ANXA10: variants seen among roughly 807,000 people sequenced by gnomAD.
ANXA10 encodes annexin A10, also known as annexin 14.
ANXA10 carries 49 observed loss-of-function variants against 53.5 expected under a neutral mutation model. That is an observed-to-expected ratio of 0.92 (90% CI 0.73 to 1.16). ANXA10 has a LOEUF of 1.16. ANXA10 is among the 50% of genes most tolerant of loss of function. ANXA10 has a pLI of 0.00. For missense variants in ANXA10, 393 were observed against 394.4 expected (o/e 1.00, Z 0.03); for synonymous variants, 131 against 128.9 (o/e 1.02, Z -0.11).
intron 3 of ANXA10, among the ~76,000 whole-genome samples, chr4:168,159,574 A>G (rs1479875616): frequency 1.3e-5 from 2 of 152,200 alleles, no homozygotes; most frequent in African/African-American, 2.4e-5. Context: ...TAACATTGGG[A>G]AATCTAAATT....
chr4:168,144,594 G>A (rs1397545052), intron 3 of ANXA10, among the ~76,000 whole-genome samples: 1 of 152,128 alleles, frequency 6.6e-6, no homozygotes, highest in South Asian at 2.1e-4. Context: ...ATATGGAATG[G>A]TCAGGTGCAA....
intron 1 of ANXA10, among the ~76,000 whole-genome samples, chr4:168,099,606 A>G (rs1287348950): frequency 6.6e-6 from 1 of 152,020 alleles, no homozygotes; most frequent in African/African-American, 2.4e-5. Context: ...CTTAACGACC[A>G]GAAGAAACTC....
chr4:168,155,471 TATAAATTATATATTATATA>T (rs1731596963), intron 3 of ANXA10, among the ~76,000 whole-genome samples: 11 of 18,722 alleles, frequency 5.9e-4, no homozygotes, highest in African/African-American at 1.5e-3. Context: ...AATATATAAT[TATAAATTATATATTATATA>T]ATATATAATT....
At chr4:168,092,937 GA>G (rs1330861812) in intron 1 of ANXA10, among the ~76,000 whole-genome samples, 2 of 151,912 alleles carry the variant, frequency 1.3e-5, no homozygotes, top group Non-Finnish European at 2.9e-5. Context: ...ATGATAACAA[GA>G]TTTTTTTAAT....
intron 10 of ANXA10, among the ~76,000 whole-genome samples, chr4:168,183,647 A>G (rs987923673): frequency 1.3e-5 from 2 of 152,226 alleles, no homozygotes; most frequent in African/African-American, 2.4e-5. Flanking sequence ...AGGATTGTAT[A>G]TTCAAGTAAT....
At chr4:168,105,673 G>T (rs1730709396) in intron 1 of ANXA10, among the ~76,000 whole-genome samples, 1 of 152,034 alleles carries the variant, frequency 6.6e-6, no homozygotes, top group African/African-American at 2.4e-5. Flanking sequence ...TCTGTTTTCA[G>T]CTCCTTCAGG....
chr4:168,185,882 T>C (rs111521706), intron 11 of ANXA10, among the ~76,000 whole-genome samples: 5 of 152,312 alleles, frequency 3.3e-5, no homozygotes, highest in African/African-American at 1.2e-4. Flanking sequence ...GATCACATAA[T>C]ACAGAAGACT....
chr4:168,126,446 A>G (rs992609704), intron 1 of ANXA10, among the ~76,000 whole-genome samples: 4 of 152,174 alleles, frequency 2.6e-5, no homozygotes, highest in Non-Finnish European at 5.9e-5. Context: ...ACTGGAACTC[A>G]AATCAAATTG....
chr4:168,102,506 A>G (rs1730656281), intron 1 of ANXA10, among the ~76,000 whole-genome samples: 1 of 152,048 alleles, frequency 6.6e-6, no homozygotes, highest in African/African-American at 2.4e-5. Flanking sequence ...AAACTATTGA[A>G]CCTTTTGGAC....
chr4:168,150,801 A>G (rs895963644), intron 3 of ANXA10, among the ~76,000 whole-genome samples: 1 of 152,156 alleles, frequency 6.6e-6, no homozygotes, highest in African/African-American at 2.4e-5. Context: ...GACTGGCCAG[A>G]ACCACTAAGC....
At chr4:168,103,187 A>G (rs1351918673) in intron 1 of ANXA10, among the ~76,000 whole-genome samples, 2 of 151,740 alleles carry the variant, frequency 1.3e-5, no homozygotes, top group Non-Finnish European at 2.9e-5. Context: ...AGTCTAATTT[A>G]TTTTTTCATT....
chr4:168,176,734 C>G (rs1732135895), intron 6 of ANXA10, among the ~76,000 whole-genome samples: 1 of 152,066 alleles, frequency 6.6e-6, no homozygotes, highest in African/African-American at 2.4e-5. Context: ...GGCACAGTGG[C>G]TCATGCCTGT....
At chr4:168,114,465 G>C (rs1040139764) in intron 1 of ANXA10, among the ~76,000 whole-genome samples, 2 of 152,154 alleles carry the variant, frequency 1.3e-5, no homozygotes, top group African/African-American at 4.8e-5. Context: ...TGACTAATTA[G>C]TTTAAGGAAC....
At chr4:168,101,517 G>A (rs1232818500) in intron 1 of ANXA10, among the ~76,000 whole-genome samples, 1 of 132,876 alleles carries the variant, frequency 7.5e-6, no homozygotes, top group Non-Finnish European at 1.6e-5. Context: ...AAGGGGACGG[G>A]GGGAAGCTTT....
rs1419252167 is a variant in ANXA10 at position 168,162,088 on chromosome 4, T to C, written c.196-440T>C. Among the ~76,000 whole-genome samples, 4 of 152,168 alleles carry C rather than the reference T, an allele frequency of 2.6e-5. No individual in the cohort carries two copies. In the East Asian group the frequency reaches 7.7e-4, roughly 29 times the overall value. On this transcript the variant is annotated intron_variant, in intron 3 of 11. Transcript: ENST00000359299. ...ATTTACATAAGCTGTTTGGCAATAG[T>C]ATAACCAGGGACTTCTGCTAAAAGA...
At chr4:168,120,937 G>T (rs897325857) in intron 1 of ANXA10, among the ~76,000 whole-genome samples, 6 of 151,858 alleles carry the variant, frequency 4.0e-5, no homozygotes, top group Admixed American at 2.0e-4. Context: ...TTCATATCCA[G>T]ATCTAGGACA....
intron 3 of ANXA10, among the ~76,000 whole-genome samples, chr4:168,160,311 T>C (rs1222946048): frequency 6.6e-6 from 1 of 152,054 alleles, no homozygotes; most frequent in Non-Finnish European, 1.5e-5. Context: ...AAACATACAG[T>C]GTTTGATTTT....
chr4:168,144,447 A>G (rs1731375865), intron 3 of ANXA10, among the ~76,000 whole-genome samples: 1 of 152,182 alleles, frequency 6.6e-6, no homozygotes, highest in Non-Finnish European at 1.5e-5. Context: ...TTGGCCTCCC[A>G]AAGTGCTGGG....
intron 6 of ANXA10, among the ~76,000 whole-genome samples, chr4:168,176,716 C>T (rs548095591): frequency 1.2e-4 from 18 of 152,076 alleles, no homozygotes; most frequent in Non-Finnish European, 1.9e-4. Context: ...TAAAAGATGA[C>T]AGGACTAGGC....
Sources: gnomAD v4.1 joint callset for allele counts (sites outside exome capture counted in the v4.1 genomes callset) on GRCh38, gnomAD v4.1.1 for gene constraint, MANE v1.5 for transcripts, NCBI Gene and HGNC (gene_info 2026-07-23, HGNC 2026-07-21) for gene names.